Variants in CDH17 observed in about 807,000 individuals in gnomAD.
CDH17 encodes the protein cadherin 17.
A neutral mutation model predicts 86.3 loss-of-function variants in CDH17; 67 were observed. That is an observed-to-expected ratio of 0.78 (90% CI 0.64 to 0.95). The LOEUF is 0.95. CDH17 is among the 40% of genes least tolerant of loss of function. The probability of loss-of-function intolerance (pLI) is 0.00; values close to 1 mark genes in which losing one functional copy is unlikely to be tolerated. For synonymous variants in CDH17, 367 were observed against 366.4 expected, an observed-to-expected ratio of 1.00 and a Z score of -0.02; for missense variants, 993 against 1,017.6, an observed-to-expected ratio of 0.98 and a Z score of 0.33.
intron 15 of CDH17, among the ~76,000 whole-genome samples, chr8:94,142,093 A>G (rs538107006): frequency 1.1e-5 from 1 of 94,158 alleles, no homozygotes; most frequent in East Asian, 2.6e-4. Context: ...AATTCAATGT[A>G]AAAAAAGGAT....
intron 15 of CDH17, among the ~76,000 whole-genome samples, chr8:94,137,495 A>G (rs202212428): frequency 6.6e-6 from 1 of 152,180 alleles, no homozygotes; most frequent in East Asian, 1.9e-4. Context: ...GATCTTGGAA[A>G]AAGTGCAGTA....
intron 1 of CDH17, among the ~76,000 whole-genome samples, chr8:94,200,188 T>G (rs1813877196): frequency 6.6e-6 from 1 of 152,144 alleles, no homozygotes; most frequent in Non-Finnish European, 1.5e-5. Flanking sequence ...CTACACTTCC[T>G]CCTTCCATGG....
At chr8:94,177,857 T>C in intron 3 of CDH17, 136 bp from the exon 4 acceptor site, 1 of 785,234 alleles carries the variant, frequency 1.3e-6, no homozygotes, top group Admixed American at 2.7e-5. Flanking sequence ...TTTAAAGTGG[T>C]ACCTTCTAAA....
intron 5 of CDH17, among the ~76,000 whole-genome samples, chr8:94,175,057 G>A (rs1813347038): frequency 6.6e-6 from 1 of 152,124 alleles, no homozygotes; most frequent in Admixed American, 6.6e-5. Flanking sequence ...AATACCAATG[G>A]TCACTTGAAA....
intron 15 of CDH17, among the ~76,000 whole-genome samples, chr8:94,142,884 G>A (rs185011113): frequency 3.8e-4 from 58 of 152,186 alleles, no homozygotes; most frequent in African/African-American, 1.3e-3. Flanking sequence ...TTTTCACCAC[G>A]TTTTCAGTGA....
chr8:94,204,818 C>T (rs930358723), intron 1 of CDH17, among the ~76,000 whole-genome samples: 6 of 152,138 alleles, frequency 3.9e-5, no homozygotes, highest in African/African-American at 1.4e-4. Context: ...GGAGAAGAGG[C>T]CTCTCCTCCA....
chr8:94,171,981 TCCCCCCTCCCC>T (rs1813277936), intron 7 of CDH17, among the ~76,000 whole-genome samples: 1 of 20,756 alleles, frequency 4.8e-5, no homozygotes, highest in Non-Finnish European at 1.1e-4. Flanking sequence ...CCCTCCCCCC[TCCCCCCTCCCC>T]CTCCTCCCCC....
At chr8:94,183,196 G>A (rs976686545) in intron 3 of CDH17, among the ~76,000 whole-genome samples, 4 of 152,074 alleles carry the variant, frequency 2.6e-5, no homozygotes, top group African/African-American at 7.2e-5. Context: ...TTTATCTACT[G>A]ATTCAATACA....
intron 11 of CDH17, among the ~76,000 whole-genome samples, 182 bp downstream of exon 11, chr8:94,161,904 G>A (rs1383203951): frequency 6.6e-6 from 1 of 152,186 alleles, no homozygotes; most frequent in African/African-American, 2.4e-5. Flanking sequence ...ACCTGTAATA[G>A]TAAATGTTAT....
chr8:94,137,012 G>T (rs1429380505), intron 15 of CDH17, among the ~76,000 whole-genome samples: 2 of 152,180 alleles, frequency 1.3e-5, no homozygotes, highest in Non-Finnish European at 2.9e-5. Context: ...TCCTCTGGGA[G>T]CTTTGTCCCA....
intron 1 of CDH17, among the ~76,000 whole-genome samples, chr8:94,200,547 T>G (rs1172602462): frequency 2.8e-5 from 4 of 142,024 alleles, no homozygotes; most frequent in African/African-American, 5.2e-5. Context: ...GTTTTTTTTT[T>G]TTTTTTTTTT....
chr8:94,199,077 A>ATT (rs1813851416), intron 1 of CDH17, among the ~76,000 whole-genome samples: 1 of 8,766 alleles, frequency 1.1e-4, no homozygotes, highest in African/African-American at 2.4e-4. Context: ...ATATATATAT[A>ATT]TATATATTTT....
intron 2 of CDH17, among the ~76,000 whole-genome samples, chr8:94,193,615 T>G (rs1303856987): frequency 1.3e-5 from 2 of 152,130 alleles, no homozygotes; most frequent in Non-Finnish European, 2.9e-5. Flanking sequence ...GTCACTACCC[T>G]GGGATAACAT....
At chr8:94,181,477 A>G (rs1315118980) in intron 3 of CDH17, among the ~76,000 whole-genome samples, 1 of 152,132 alleles carries the variant, frequency 6.6e-6, no homozygotes, top group East Asian at 1.9e-4. Context: ...ATACAATTAA[A>G]AACAATATAA....
chr8:94,214,443 GA>G (rs1814166275), intron 1 of CDH17, among the ~76,000 whole-genome samples: 1 of 152,146 alleles, frequency 6.6e-6, no homozygotes, highest in Non-Finnish European at 1.5e-5. Context: ...TTGTGAAATT[GA>G]TCTTCACATG....
In CDH17 at chr8:94,151,907, C is replaced by A. The variant is rs189236130; in HGVS notation, c.1757G>T (p.Gly586Val). ...TTCTGGATCCTTGGCAGTCACATTG[C>A]CCACTTTAGTGCCTATAGCTACATC... The part of the protein sequence containing the change: ...SEDVAIGTKV[G>V]NVTAKDPEGL... The change falls in exon 13 of 18, where the codon GGC becomes GTC. Residue 586 changes from glycine (G) to valine (V), a missense_variant. Transcript: ENST00000027335. 5.3e-5 allele frequency: 85 copies of A among 1,614,154 alleles called. 1 individual carries two copies. In the East Asian group the frequency reaches 1.8e-3, roughly 34 times the overall value.
At chr8:94,130,041 A>G (rs1395085298) in intron 17 of CDH17, among the ~76,000 whole-genome samples, 1 of 152,196 alleles carries the variant, frequency 6.6e-6, no homozygotes, top group African/African-American at 2.4e-5. Flanking sequence ...GTTGTTTGCA[A>G]AAAAGAAAAA....
At chr8:94,200,543 T>TG (rs1404563279) in intron 1 of CDH17, among the ~76,000 whole-genome samples, 1 of 136,032 alleles carries the variant, frequency 7.4e-6, no homozygotes, top group Admixed American at 7.3e-5. Context: ...TTTTGTTTTT[T>TG]TTTTTTTTTT....
chr8:94,188,071 T>G (rs1475721455), intron 3 of CDH17, among the ~76,000 whole-genome samples: 1 of 152,122 alleles, frequency 6.6e-6, no homozygotes, highest in Non-Finnish European at 1.5e-5. Context: ...CACAATACAG[T>G]TGTCCCTTGG....
Sources: allele counts gnomAD v4.1 joint callset (sites outside exome capture counted in the v4.1 genomes callset), GRCh38; gene constraint gnomAD v4.1.1; transcripts MANE v1.5; gene names NCBI Gene and HGNC (gene_info 2026-07-23, HGNC 2026-07-21).